Variants in CYP4X1 observed in about 807,000 individuals in gnomAD.
The protein encoded by CYP4X1 is cytochrome P450 family 4 subfamily X member 1, also known as cytochrome P450 4X1.
A neutral mutation model predicts 57.9 loss-of-function variants in CYP4X1; 44 were observed. The ratio of observed to expected loss-of-function variants is 0.76; its 90% CI spans 0.60 to 0.98. The LOEUF (loss-of-function observed/expected upper bound fraction) is 0.98, where lower values mean the gene tolerates loss of function less well. CYP4X1 is among the 50% of genes least tolerant of loss of function. The probability of loss-of-function intolerance (pLI) is 0.00; values close to 1 mark genes in which losing one functional copy is unlikely to be tolerated. For synonymous variants in CYP4X1, 227 were observed against 228.6 expected (o/e 0.99, Z 0.06); for missense variants, 532 against 623.9 (o/e 0.85, Z 1.57).
Position 47,048,643 on chromosome 1 carries a change from T to C in CYP4X1, c.1272+14T>C, listed in dbSNP as rs751266319. ...AAAAACCCAAAGGTATGATTCTCTC[T>C]TGTACATAAATACTTCCAAGAACTA... On this transcript the variant is annotated intron_variant, in intron 10 of 11. Transcript: ENST00000371901. 2 of 1,606,568 alleles carry C rather than the reference T, an allele frequency of 1.2e-6. No individual in the cohort carries two copies. Among genetic ancestry groups the C allele is most frequent in the Admixed American group, 3.4e-5 (2 of 58,448 alleles).
the CYP4X1 span, among the ~76,000 whole-genome samples, chr1:46,994,104 TG>T: frequency 9.2e-5 from 14 of 152,234 alleles, no homozygotes; most frequent in African/African-American, 3.4e-4. Context: ...AATTAATTTT[TG>T]TATCAGGTGT....
At chr1:46,979,212 A>G in the CYP4X1 span, among the ~76,000 whole-genome samples, 1 of 152,170 alleles carries the variant, frequency 6.6e-6, no homozygotes, top group Non-Finnish European at 1.5e-5. Context: ...AGATCAACAA[A>G]ATTGATAGAC....
chr1:46,963,032 T>G, the CYP4X1 span, among the ~76,000 whole-genome samples: 1 of 152,248 alleles, frequency 6.6e-6, no homozygotes, highest in African/African-American at 2.4e-5. Context: ...CTTTTGATCT[T>G]TGTTGGTTTA....
the CYP4X1 span, among the ~76,000 whole-genome samples, chr1:46,965,195 G>C: frequency 6.6e-6 from 1 of 152,198 alleles, no homozygotes; most frequent in Non-Finnish European, 1.5e-5. Flanking sequence ...CCCGGGTGAG[G>C]CGATGCCTCG....
the CYP4X1 span, among the ~76,000 whole-genome samples, chr1:46,995,084 C>T: frequency 2.0e-5 from 3 of 152,072 alleles, no homozygotes; most frequent in Admixed American, 1.3e-4. Context: ...AGTCATCGCC[C>T]AAGGTGATGG....
chr1:46,969,502 A>T, the CYP4X1 span, among the ~76,000 whole-genome samples: 1 of 152,184 alleles, frequency 6.6e-6, no homozygotes, highest in Admixed American at 6.5e-5. Context: ...GACTTTCTGG[A>T]AGAACAATTT....
the CYP4X1 span, among the ~76,000 whole-genome samples, chr1:46,987,468 A>G: frequency 6.6e-6 from 1 of 152,324 alleles, no homozygotes; most frequent in South Asian, 2.1e-4. Context: ...AATATTAGAC[A>G]GATCAACTAG....
At chr1:47,043,894 T>A (rs924658610) in intron 8 of CYP4X1, among the ~76,000 whole-genome samples, 13 of 152,216 alleles carry the variant, frequency 8.5e-5, no homozygotes, top group African/African-American at 2.9e-4. Flanking sequence ...CTAATTTGTC[T>A]GATAAAAGTT....
Position 47,023,924 on chromosome 1 carries a change from G to A in CYP4X1, c.107G>A (p.Arg36Lys), listed in dbSNP as rs1210177896. 2 of 1,613,590 alleles carry A rather than the reference G, an allele frequency of 1.2e-6. No individual in the cohort carries two copies. The highest frequency in any genetic ancestry group is 1.1e-5 in the South Asian group (1 of 91,050). ...CAGGCCATTAAGCTGTACCTGCGGA[G>A]GCAGCGGCTGCTGCGGGACCTGCGC... ...LLQAIKLYLR[R>K]QRLLRDLRPF... is the part of the protein sequence containing the mutation. Residue 36 changes from arginine to lysine, a missense_variant, in exon 1 of 12, where the codon AGG (arginine) becomes AAG (lysine). Transcript: ENST00000371901.
upstream of CYP4X1, among the ~76,000 whole-genome samples, chr1:47,020,194 C>T (rs540441139): frequency 1.3e-5 from 2 of 152,206 alleles, no homozygotes; most frequent in African/African-American, 4.8e-5. Context: ...CACTTTTCCA[C>T]CATGTAGAAT....
At chr1:47,047,726 C>G (rs1204403889) in intron 9 of CYP4X1, among the ~76,000 whole-genome samples, 2 of 152,010 alleles carry the variant, frequency 1.3e-5, no homozygotes, top group Non-Finnish European at 2.9e-5. Context: ...CTCAGCCTCC[C>G]GAGTAGCTGG....
chr1:46,989,540 G>T, the CYP4X1 span, among the ~76,000 whole-genome samples: 1 of 152,076 alleles, frequency 6.6e-6, no homozygotes, highest in Admixed American at 6.5e-5. Flanking sequence ...CACAGAATTA[G>T]AAAAAGCTAC....
rs763312421 is a variant in CYP4X1 at position 47,046,612 on chromosome 1, C to A, written c.1207+12C>A. 6.8e-6 allele frequency: 11 copies of A among 1,613,968 alleles called. No homozygotes were observed. Among genetic ancestry groups the A allele is most frequent in the African/African-American group, 1.3e-5 (1 of 74,932 alleles). On this transcript the variant is annotated intron_variant, in intron 9 of 11. Coordinates refer to ENST00000371901, the MANE Select transcript of CYP4X1 (RefSeq NM_178033.2). ...CACATTGCCTGCAGGTCTTTACATTCTTTTCCTAAGCAGTTCTTAGAGGCT... is the reference window on the plus strand; with the variant it reads ...CACATTGCCTGCAGGTCTTTACATTATTTTCCTAAGCAGTTCTTAGAGGCT...
chr1:46,966,715 C>T, the CYP4X1 span, among the ~76,000 whole-genome samples: 1 of 152,098 alleles, frequency 6.6e-6, no homozygotes, highest in African/African-American at 2.4e-5. Context: ...TTATAATCAG[C>T]CATCTTGGAC....
upstream of CYP4X1, among the ~76,000 whole-genome samples, chr1:47,019,470 A>G (rs1643974030): frequency 6.6e-6 from 1 of 152,234 alleles, no homozygotes; most frequent in Non-Finnish European, 1.5e-5. Flanking sequence ...GTTACATTCC[A>G]GCCTTTGTAT....
the CYP4X1 span, among the ~76,000 whole-genome samples, chr1:47,004,978 G>A: frequency 4.9e-3 from 740 of 152,262 alleles, 12 homozygotes; most frequent in East Asian, 0.047. Context: ...TAGAAGTTGA[G>A]GCCTTCATCC....
chr1:46,985,606 T>C, the CYP4X1 span, among the ~76,000 whole-genome samples: 10 of 152,152 alleles, frequency 6.6e-5, no homozygotes, highest in Admixed American at 5.9e-4. Context: ...AGACACTTCA[T>C]ACAGGAGAGC....
At chr1:47,053,416 C>T (rs968625637), downstream of CYP4X1, among the ~76,000 whole-genome samples, 7 of 152,114 alleles carry the variant, frequency 4.6e-5, no homozygotes, top group African/African-American at 1.7e-4. Context: ...GATTTATAAT[C>T]CTTTGGGTAT....
chr1:47,009,979 G>A, the CYP4X1 span, among the ~76,000 whole-genome samples: 1 of 152,150 alleles, frequency 6.6e-6, no homozygotes, highest in Non-Finnish European at 1.5e-5. Flanking sequence ...TTCTAGCAGA[G>A]GTACAAGGAG....
Sources: gnomAD v4.1 joint callset for allele counts (sites outside exome capture counted in the v4.1 genomes callset) on GRCh38, gnomAD v4.1.1 for gene constraint, MANE v1.5 for transcripts, NCBI Gene and HGNC (gene_info 2026-07-23, HGNC 2026-07-21) for gene names.